Variants in RNF212B observed in about 807,000 individuals in gnomAD.
RNF212B encodes E3 ubiquitin-protein ligase RNF212B.
RNF212B carries 52 observed loss-of-function variants against 55.5 expected under a neutral mutation model. The observed-to-expected ratio is 0.94, with a 90% CI of 0.75 to 1.18. The LOEUF (loss-of-function observed/expected upper bound fraction) is 1.18, where lower values mean the gene tolerates loss of function less well. Among genes scored for constraint, RNF212B ranks in the 50% most tolerant of loss-of-function variants. The probability of loss-of-function intolerance (pLI) is 0.00; values close to 1 mark genes in which losing one functional copy is unlikely to be tolerated. For missense variants in RNF212B, 289 were observed against 350.4 expected (o/e 0.82, Z 1.40); for synonymous variants, 99 against 121.4 (o/e 0.82, Z 1.21).
At chr14:23,186,423 C>T (rs1287030428) in intron 1 of RNF212B, among the ~76,000 whole-genome samples, 1 of 151,320 alleles carries the variant, frequency 6.6e-6, no homozygotes. Context: ...GCTCTCGGCT[C>T]ACTGCAACCT....
chr14:23,232,292 G>A (rs191093518), intron 2 of RNF212B, among the ~76,000 whole-genome samples: 24,143 of 149,850 alleles, frequency 0.16, 2,017 homozygotes, highest in Non-Finnish European at 0.18. Context: ...CTGCCCGGCC[G>A]CAACCCCATC....
chr14:23,190,982 T>C lies in RNF212B; in HGVS notation c.-78-2343T>C, dbSNP rs61682325. On this transcript the variant is annotated intron_variant, in intron 1 of 15. Coordinates refer to the RNF212B transcript ENST00000399910. ...CTTCCTGCAGACCGTCTTGGGGGTG[T>C]CCTCCCTTTCTCACATCATGCACAT... Among the ~76,000 whole-genome samples the C allele has an allele frequency of 2.5e-3, 388 of 152,276 alleles. 4 individuals are homozygous for C. Among genetic ancestry groups the C allele is most frequent in the African/African-American group, 8.6e-3 (359 of 41,564 alleles).
intron 2 of RNF212B, among the ~76,000 whole-genome samples, chr14:23,205,319 T>C (rs1212220895): frequency 6.6e-6 from 1 of 151,878 alleles, no homozygotes; most frequent in Non-Finnish European, 1.5e-5. Context: ...GACACCCTTT[T>C]TTTTTTTTAA....
chr14:23,243,172 C>A (rs928370932), intron 2 of RNF212B, 84 bp from the exon 3 acceptor site: 2 of 954,488 alleles, frequency 2.1e-6, no homozygotes, highest in African/African-American at 1.7e-5. Flanking sequence ...TGCTAGCATA[C>A]TAGATTGTTG....
At chr14:23,221,941 T>G (rs1881610625) in intron 2 of RNF212B, among the ~76,000 whole-genome samples, 1 of 152,054 alleles carries the variant, frequency 6.6e-6, no homozygotes, top group Non-Finnish European at 1.5e-5. Flanking sequence ...TTGAAACAAG[T>G]GATAATGGAA....
chr14:23,264,078 A>T (rs1885499810), intron 9 of RNF212B, 96 bp from the exon 10 acceptor site: 1 of 933,974 alleles, frequency 1.1e-6, no homozygotes, highest in Non-Finnish European at 1.6e-6. Context: ...ACAGAGTGAG[A>T]CTCTGTCTGA....
At chr14:23,208,489 ATCT>A (rs1459634244) in intron 2 of RNF212B, among the ~76,000 whole-genome samples, 2 of 152,072 alleles carry the variant, frequency 1.3e-5, no homozygotes, top group African/African-American at 4.8e-5. Flanking sequence ...GTGAGATCCT[ATCT>A]CTAAAAAAAA....
At chr14:23,262,789 G>A in intron 8 of RNF212B, 78 bp downstream of exon 8, 2 of 1,455,938 alleles carry the variant, frequency 1.4e-6, no homozygotes, top group Middle Eastern at 1.7e-4. Flanking sequence ...TCCTCTCAGA[G>A]ACAATAATGT....
chr14:23,252,521 G>A (rs1884492630), intron 4 of RNF212B, among the ~76,000 whole-genome samples: 1 of 152,178 alleles, frequency 6.6e-6, no homozygotes, highest in South Asian at 2.1e-4. Flanking sequence ...ACACTGGGTT[G>A]CAGCAGAGAA....
At chr14:23,220,045 A>G (rs1209224641) in intron 2 of RNF212B, among the ~76,000 whole-genome samples, 1 of 151,816 alleles carries the variant, frequency 6.6e-6, no homozygotes, top group Non-Finnish European at 1.5e-5. Flanking sequence ...TTAGCCAGAC[A>G]TGGTGGCACA....
At chr14:23,223,736 C>T (rs1594896846) in intron 2 of RNF212B, among the ~76,000 whole-genome samples, 1 of 152,050 alleles carries the variant, frequency 6.6e-6, no homozygotes, top group East Asian at 1.9e-4. Context: ...GAAGTCTTAG[C>T]TAGAGTAATC....
chr14:23,244,476 T>C, intron 4 of RNF212B, 80 bp downstream of exon 4: 1 of 727,634 alleles, frequency 1.4e-6, no homozygotes, highest in Non-Finnish European at 2.3e-6. Flanking sequence ...AAAGGTTTTC[T>C]TTAAACTGCA....
intron 4 of RNF212B, among the ~76,000 whole-genome samples, chr14:23,249,378 A>G (rs35812759): frequency 0.25 from 37,801 of 151,966 alleles, 4,780 homozygotes; most frequent in African/African-American, 0.3. Flanking sequence ...AAACCCCTTC[A>G]CTACAAAAAA....
At chr14:23,223,935 A>G (rs1313093179) in intron 2 of RNF212B, among the ~76,000 whole-genome samples, 2 of 152,230 alleles carry the variant, frequency 1.3e-5, no homozygotes, top group Non-Finnish European at 2.9e-5. Context: ...GTAACTTTTT[A>G]TATGCCAACA....
chr14:23,208,757 G>GTTTC (rs1555310768), intron 2 of RNF212B, among the ~76,000 whole-genome samples: 2 of 98,110 alleles, frequency 2.0e-5, no homozygotes, highest in Admixed American at 1.3e-4. Context: ...GCTGGTTGCC[G>GTTTC]TTTTTTTTTT....
intron 2 of RNF212B, among the ~76,000 whole-genome samples, chr14:23,217,938 G>A (rs1881243351): frequency 1.3e-5 from 2 of 152,046 alleles, no homozygotes; most frequent in South Asian, 4.1e-4. Context: ...TGACTTTTGA[G>A]GCAGAGAATT....
chr14:23,253,247 C>G (rs533449853), intron 4 of RNF212B, among the ~76,000 whole-genome samples: 1 of 152,212 alleles, frequency 6.6e-6, no homozygotes, highest in East Asian at 1.9e-4. Context: ...TCACATTTCT[C>G]CAGTTGTCTC....
upstream of RNF212B, among the ~76,000 whole-genome samples, chr14:23,236,394 A>C (rs1883094867): frequency 6.6e-6 from 1 of 152,108 alleles, no homozygotes; most frequent in South Asian, 2.1e-4. Context: ...AGGCGCCTGT[A>C]ATCCCAGCTA....
chr14:23,219,550 C>A (rs1881379938), intron 2 of RNF212B, among the ~76,000 whole-genome samples: 2 of 151,684 alleles, frequency 1.3e-5, no homozygotes. Context: ...CGGCTCACTG[C>A]AACCTCTGCC....
Sources: gnomAD v4.1 joint callset for allele counts (sites outside exome capture counted in the v4.1 genomes callset) on GRCh38, gnomAD v4.1.1 for gene constraint, MANE v1.5 for transcripts, NCBI Gene and HGNC (gene_info 2026-07-23, HGNC 2026-07-21) for gene names.